The following HLCS variants were observed in gnomAD, a reference collection of about 807,000 sequenced individuals.
HLCS encodes holocarboxylase synthetase.
HLCS carries 53 observed loss-of-function variants against 75.0 expected under a neutral mutation model. The ratio of observed to expected loss-of-function variants is 0.71; its 90% CI spans 0.57 to 0.89. The LOEUF (loss-of-function observed/expected upper bound fraction) is 0.89. HLCS is among the 40% of genes least tolerant of loss of function. HLCS has a pLI of 0.00. For missense variants in HLCS, 966 were observed against 1,074.0 expected (o/e 0.90, Z 1.41); for synonymous variants, 431 against 428.6 (o/e 1.01, Z -0.07).
At chr21:36,776,739 G>A (rs889182002) in intron 6 of HLCS, among the ~76,000 whole-genome samples, 1 of 152,140 alleles carries the variant, frequency 6.6e-6, no homozygotes, top group African/African-American at 2.4e-5. Context: ...CTAATCCAGA[G>A]GTCAGCAGAA....
At chr21:36,928,473 G>A (rs1212986083) in intron 5 of HLCS, among the ~76,000 whole-genome samples, 1 of 152,178 alleles carries the variant, frequency 6.6e-6, no homozygotes, top group East Asian at 1.9e-4. Flanking sequence ...GGGGGGCTGA[G>A]GTGGGAGGAT....
intron 6 of HLCS, among the ~76,000 whole-genome samples, chr21:36,886,006 G>A (rs891921167): frequency 1.4e-4 from 22 of 152,074 alleles, no homozygotes; most frequent in African/African-American, 4.8e-4. Flanking sequence ...AATGAACCAC[G>A]GGCTGATATG....
chr21:36,959,601 TTTTC>T (rs1311181498), intron 2 of HLCS, among the ~76,000 whole-genome samples: 1 of 152,100 alleles, frequency 6.6e-6, no homozygotes, highest in Non-Finnish European at 1.5e-5. Flanking sequence ...TTAGAGTGCT[TTTTC>T]TGGCCCGCCC....
intron 9 of HLCS, chr21:36,757,005 A>G: frequency 1.1e-6 from 1 of 942,754 alleles, no homozygotes; most frequent in South Asian, 4.9e-5. Flanking sequence ...GTGGGAAAAA[A>G]GAAAGCCACA....
intron 6 of HLCS, among the ~76,000 whole-genome samples, chr21:36,886,015 T>C (rs1289181822): frequency 1.3e-5 from 2 of 152,102 alleles, no homozygotes; most frequent in African/African-American, 4.8e-5. Context: ...CGGGCTGATA[T>C]GCAATTTCTG....
intron 6 of HLCS, among the ~76,000 whole-genome samples, chr21:36,838,933 G>A (rs981460762): frequency 2.0e-5 from 3 of 152,156 alleles, no homozygotes; most frequent in Non-Finnish European, 2.9e-5. Flanking sequence ...CTCCAGAACC[G>A]ACAGAGAATT....
intron 6 of HLCS, among the ~76,000 whole-genome samples, chr21:36,895,572 T>C (rs1365029540): frequency 6.6e-6 from 1 of 152,196 alleles, no homozygotes; most frequent in Non-Finnish European, 1.5e-5. Context: ...CAAACAACTC[T>C]GCCAATGCCT....
chr21:36,952,923 G>A (rs2067741637), intron 2 of HLCS, among the ~76,000 whole-genome samples: 1 of 151,644 alleles, frequency 6.6e-6, no homozygotes, highest in South Asian at 2.1e-4. Flanking sequence ...CCAAAATCTA[G>A]CCTTTCTTTC....
upstream of HLCS, among the ~76,000 whole-genome samples, chr21:36,967,729 T>C (rs918146680): frequency 6.6e-6 from 1 of 152,210 alleles, no homozygotes; most frequent in Non-Finnish European, 1.5e-5. Context: ...AGTTTTTGTT[T>C]GTTTGTTTTT....
chr21:36,828,750 T>C (rs895179573), intron 6 of HLCS, among the ~76,000 whole-genome samples: 2 of 152,240 alleles, frequency 1.3e-5, no homozygotes, highest in Non-Finnish European at 2.9e-5. Flanking sequence ...TAAATCCTTT[T>C]TACTTAAGTC....
chr21:36,787,599 G>A (rs1315977858), intron 6 of HLCS, among the ~76,000 whole-genome samples: 1 of 152,138 alleles, frequency 6.6e-6, no homozygotes, highest in African/African-American at 2.4e-5. Context: ...ATCATCAAAT[G>A]GACATGATGG....
At chr21:36,912,491 G>A (rs1460256703) in intron 5 of HLCS, among the ~76,000 whole-genome samples, 2 of 152,172 alleles carry the variant, frequency 1.3e-5, no homozygotes, top group Non-Finnish European at 2.9e-5. Flanking sequence ...GCCACAGGGA[G>A]AGGGGAAGGG....
chr21:36,922,833 A>C (rs1274918368), intron 5 of HLCS, among the ~76,000 whole-genome samples: 1 of 152,224 alleles, frequency 6.6e-6, no homozygotes. Flanking sequence ...CATTTTTCCA[A>C]GACAGTCAGT....
At position 36,928,434 on chromosome 21, in the gene HLCS, G is replaced by A. The variant is rs140588288; in HGVS notation, c.1620+1817C>T. On this transcript the variant is annotated intron_variant, in intron 5 of 10. Coordinates refer to ENST00000674895, the MANE Select transcript of HLCS (RefSeq NM_001352514.2). ...AAGTATTAAAAATTAGCCAGGCATGGTGATGCACACCTGTAGTCCCAGCTA... is the reference window on the plus strand; with the variant it reads ...AAGTATTAAAAATTAGCCAGGCATGATGATGCACACCTGTAGTCCCAGCTA... Among the ~76,000 whole-genome samples, 77 of 152,200 alleles carry A rather than the reference G, an allele frequency of 5.1e-4. 1 individual carries two copies. In the East Asian group the frequency reaches 0.014, roughly 27 times the overall value.
intron 1 of HLCS, among the ~76,000 whole-genome samples, chr21:36,984,822 T>C (rs1418782078): frequency 6.6e-6 from 1 of 151,896 alleles, no homozygotes; most frequent in Non-Finnish European, 1.5e-5. Context: ...AATAAACAAA[T>C]AAATCTTATG....
At chr21:36,789,257 G>A (rs948246318) in intron 6 of HLCS, among the ~76,000 whole-genome samples, 13 of 152,138 alleles carry the variant, frequency 8.5e-5, no homozygotes, top group Admixed American at 7.2e-4. Context: ...GTCTTGCTAT[G>A]TTGCCCAGGC....
intron 6 of HLCS, among the ~76,000 whole-genome samples, chr21:36,874,115 T>C (rs926362234): frequency 1.4e-4 from 21 of 152,224 alleles, no homozygotes; most frequent in Non-Finnish European, 1.5e-5. Flanking sequence ...TCTTTTCCTA[T>C]ATGGAGCACA....
chr21:36,796,868 CTT>C (rs35181716), intron 6 of HLCS, among the ~76,000 whole-genome samples: 12 of 146,358 alleles, frequency 8.2e-5, no homozygotes, highest in Admixed American at 6.8e-5. Context: ...TTATCATGAT[CTT>C]TTTTTTTTTT....
chr21:36,852,765 T>C (rs949924843), intron 6 of HLCS, among the ~76,000 whole-genome samples: 11 of 152,004 alleles, frequency 7.2e-5, no homozygotes, highest in African/African-American at 2.2e-4. Context: ...TAGTGCACAA[T>C]AGGTACCTCC....
Sources: gnomAD v4.1 joint callset for allele counts (sites outside exome capture counted in the v4.1 genomes callset) on GRCh38, gnomAD v4.1.1 for gene constraint, MANE v1.5 for transcripts, NCBI Gene and HGNC (gene_info 2026-07-23, HGNC 2026-07-21) for gene names.